The following PDE10A variants were observed in gnomAD, a reference collection of about 807,000 sequenced individuals.
PDE10A encodes the protein cAMP and cAMP-inhibited cGMP 3',5'-cyclic phosphodiesterase 10A.
A neutral mutation model predicts 97.7 loss-of-function variants in PDE10A; 39 were observed. The observed-to-expected ratio is 0.40, with a 90% CI of 0.31 to 0.52. The LOEUF is 0.52. PDE10A is among the 20% of genes least tolerant of loss of function. PDE10A has a pLI of 0.56. For missense variants in PDE10A, 731 were observed against 1,047.8 expected (o/e 0.70, Z 4.17); for synonymous variants, 371 against 376.8 (o/e 0.98, Z 0.18).
intron 1 of PDE10A, among the ~76,000 whole-genome samples, chr6:165,714,233 G>A (rs1041153140): frequency 1.3e-5 from 2 of 152,226 alleles, no homozygotes; most frequent in Non-Finnish European, 1.5e-5. Context: ...GGGCAGTCAG[G>A]ATTTCCTACT....
chr6:165,519,495 T>C (rs990869191), intron 2 of PDE10A, among the ~76,000 whole-genome samples: 1 of 149,094 alleles, frequency 6.7e-6, no homozygotes, highest in African/African-American at 2.5e-5. Context: ...AGAAGAAAAA[T>C]GAGAAGGCTG....
At chr6:165,363,325 G>A (rs1361501718) in intron 18 of PDE10A, among the ~76,000 whole-genome samples, 2 of 151,686 alleles carry the variant, frequency 1.3e-5, no homozygotes, top group Non-Finnish European at 2.9e-5. Flanking sequence ...GACCAGCCTG[G>A]TCAAGATGGT....
intron 10 of PDE10A, among the ~76,000 whole-genome samples, chr6:165,419,944 T>C (rs963389161): frequency 3.3e-5 from 5 of 152,244 alleles, no homozygotes; most frequent in Admixed American, 2.0e-4. Flanking sequence ...TGCTCACTAC[T>C]ACTATAGAAC....
chr6:165,603,139 C>A (rs1028703435), intron 1 of PDE10A, among the ~76,000 whole-genome samples: 1 of 152,148 alleles, frequency 6.6e-6, no homozygotes, highest in Non-Finnish European at 1.5e-5. Flanking sequence ...TGGCAAGCCA[C>A]GGGCATCTTT....
intron 17 of PDE10A, among the ~76,000 whole-genome samples, chr6:165,383,855 G>T (rs1382889459): frequency 1.3e-5 from 2 of 152,164 alleles, no homozygotes; most frequent in Non-Finnish European, 2.9e-5. Context: ...CCAGTCATGT[G>T]GGGATACACT....
intron 1 of PDE10A, among the ~76,000 whole-genome samples, chr6:165,752,129 C>CAAA (rs58229023): frequency 4.4e-4 from 29 of 66,288 alleles, no homozygotes; most frequent in Admixed American, 7.8e-4. Context: ...GGCAACAGAG[C>CAAA]AAAAAAAAAA....
At position 165,379,370 on chromosome 6, in the gene PDE10A, G is replaced by C; in HGVS notation, c.2611-4C>G. 1 of 1,600,826 alleles carries C rather than the reference G, an allele frequency of 6.2e-7. No individual in the cohort carries two copies. Among genetic ancestry groups the C allele is most frequent in the South Asian group, 1.1e-5 (1 of 88,432 alleles). ...AGAAGATATTGTGCCCTTCCAACTA[G>C]GGAAAAAATACAAATAAAAACCACC... On this transcript the variant is annotated splice_polypyrimidine_tract_variant and splice_region_variant and intron_variant, in intron 17 of 21. Coordinates refer to ENST00000539869, the MANE Select transcript of PDE10A (RefSeq NM_001385079.1).
chr6:165,843,434 G>T (rs1040106851), intron 1 of PDE10A, among the ~76,000 whole-genome samples: 2 of 152,182 alleles, frequency 1.3e-5, no homozygotes, highest in Non-Finnish European at 2.9e-5. Flanking sequence ...CCCTAGGCTC[G>T]GTAATTTATA....
At chr6:165,695,172 C>T (rs1364061305) in intron 1 of PDE10A, among the ~76,000 whole-genome samples, 1 of 149,366 alleles carries the variant, frequency 6.7e-6, no homozygotes, top group East Asian at 2.0e-4. Context: ...TAAGGAGCTC[C>T]TTGAAGTTGC....
intron 1 of PDE10A, among the ~76,000 whole-genome samples, chr6:165,550,280 T>TA (rs1346282649): frequency 3.9e-5 from 6 of 152,188 alleles, no homozygotes; most frequent in Non-Finnish European, 4.4e-5. Flanking sequence ...GAAAAACCTT[T>TA]AAAAAAATTC....
At chr6:165,745,917 G>A (rs1562715525) in intron 1 of PDE10A, among the ~76,000 whole-genome samples, 1 of 152,206 alleles carries the variant, frequency 6.6e-6, no homozygotes, top group Admixed American at 6.5e-5. Flanking sequence ...ATTGGGGTGT[G>A]TGTCATTCTT....
intron 1 of PDE10A, among the ~76,000 whole-genome samples, chr6:165,564,340 C>T (rs573302398): frequency 6.6e-6 from 1 of 152,244 alleles, no homozygotes; most frequent in African/African-American, 2.4e-5. Context: ...TGCTGCCCAT[C>T]CTTAAGCCTA....
intron 10 of PDE10A, among the ~76,000 whole-genome samples, chr6:165,421,605 A>C (rs1386943474): frequency 6.6e-6 from 1 of 152,262 alleles, no homozygotes; most frequent in Non-Finnish European, 1.5e-5. Flanking sequence ...AAGATATTAA[A>C]GTTAAGAACA....
chr6:165,762,493 A>AAG (rs979625123), intron 1 of PDE10A, among the ~76,000 whole-genome samples: 5 of 152,036 alleles, frequency 3.3e-5, no homozygotes, highest in African/African-American at 1.2e-4. Context: ...AATATTAAAA[A>AAG]AAAAAAAAGC....
chr6:165,869,450 CACAA>C (rs1466478161), intron 1 of PDE10A, among the ~76,000 whole-genome samples: 1 of 151,942 alleles, frequency 6.6e-6, no homozygotes, highest in Non-Finnish European at 1.5e-5. Context: ...TCAAAGAGGA[CACAA>C]ACAAATGGGA....
Position 165,422,418 on chromosome 6 carries a change from TGCATACACACATAC to T in PDE10A, c.1654-3655_1654-3642del, listed in dbSNP as rs1354945469. On this transcript the variant is annotated intron_variant, in intron 10 of 21. Coordinates refer to ENST00000539869, the MANE Select transcript of PDE10A (RefSeq NM_001385079.1). ...ATACACACATACGCATACACACATA[TGCATACACACATAC>T]GCATACACACATACGCATATACACA... 4.2e-4 allele frequency among the ~76,000 whole-genome samples: 54 copies of T among 128,280 alleles called. 2 individuals carry two copies. The highest frequency in any genetic ancestry group is 4.6e-3 in the Middle Eastern group (1 of 218). The allele number at this position is 128,280 out of a possible 152,430, so 84.2% of individuals were successfully genotyped here.
intron 1 of PDE10A, among the ~76,000 whole-genome samples, chr6:165,588,438 G>T (rs1453508190): frequency 6.6e-6 from 1 of 151,696 alleles, no homozygotes; most frequent in Admixed American, 6.6e-5. Flanking sequence ...TTACAGTCAT[G>T]TGCCACCATG....
intron 1 of PDE10A, among the ~76,000 whole-genome samples, chr6:165,896,823 C>A (rs960632096): frequency 6.6e-6 from 1 of 152,100 alleles, no homozygotes; most frequent in African/African-American, 2.4e-5. Flanking sequence ...CGCACCCAGC[C>A]AACACATGGC....
intron 1 of PDE10A, among the ~76,000 whole-genome samples, chr6:165,867,782 T>G (rs1211868456): frequency 6.6e-6 from 1 of 152,050 alleles, no homozygotes; most frequent in Admixed American, 6.6e-5. Flanking sequence ...TAGGCTGTAA[T>G]ACAAGTCTCA....
Sources: allele counts gnomAD v4.1 joint callset (sites outside exome capture counted in the v4.1 genomes callset), GRCh38; gene constraint gnomAD v4.1.1; transcripts MANE v1.5; gene names NCBI Gene and HGNC (gene_info 2026-07-23, HGNC 2026-07-21).